The following INSL6 variants were observed in gnomAD, a reference collection of about 807,000 sequenced individuals.
The protein encoded by INSL6 is insulin-like peptide INSL6.
Under a neutral mutation model 9.4 loss-of-function variants are expected in INSL6, and 16 were observed. The observed-to-expected ratio is 1.70, with a 90% CI of 1.15 to 2.59. The LOEUF (loss-of-function observed/expected upper bound fraction) is 2.59, where lower values mean the gene tolerates loss of function less well. Ranked by LOEUF, INSL6 falls within the 30% of genes most tolerant of loss-of-function variation. The pLI is 0.00. For synonymous variants in INSL6, 154 were observed against 96.9 expected, an observed-to-expected ratio of 1.59 and a Z score of -3.46; for missense variants, 391 against 257.3, an observed-to-expected ratio of 1.52 and a Z score of -3.56.
the INSL6 span, among the ~76,000 whole-genome samples, chr9:5,055,053 T>G: frequency 4.9e-4 from 74 of 152,154 alleles, no homozygotes; most frequent in South Asian, 8.3e-4. Context: ...TTGCCTACTA[T>G]TCTTAAATGG....
downstream of INSL6, among the ~76,000 whole-genome samples, chr9:5,160,152 G>A (rs1824895068): frequency 6.7e-6 from 1 of 148,504 alleles, no homozygotes; most frequent in Non-Finnish European, 1.5e-5. Flanking sequence ...CTCCAGCCTG[G>A]GCAACAAGAG....
At chr9:5,033,731 C>T in the INSL6 span, among the ~76,000 whole-genome samples, 2 of 152,146 alleles carry the variant, frequency 1.3e-5, no homozygotes, top group African/African-American at 4.8e-5. Flanking sequence ...AAAAGAGCTC[C>T]TGAAGGAAGC....
intron 1 of INSL6, among the ~76,000 whole-genome samples, chr9:5,168,572 T>C (rs1800234926): frequency 6.6e-6 from 1 of 150,734 alleles, no homozygotes; most frequent in Non-Finnish European, 1.5e-5. Context: ...CCGAGAACTA[T>C]GGGATTATCT....
chr9:5,158,848 T>A (rs1235068371), intron 2 of INSL6, among the ~76,000 whole-genome samples: 1 of 151,564 alleles, frequency 6.6e-6, no homozygotes, highest in Non-Finnish European at 1.5e-5. Context: ...AGAAAAAAAA[T>A]AAAATATTAT....
intron 2 of INSL6, among the ~76,000 whole-genome samples, chr9:5,156,438 A>T (rs1824815801): frequency 6.6e-6 from 1 of 152,182 alleles, no homozygotes; most frequent in Admixed American, 6.5e-5. Flanking sequence ...ATTAGCAAAC[A>T]TATCTGGATT....
the INSL6 span, among the ~76,000 whole-genome samples, chr9:5,022,933 G>A: frequency 1.3e-5 from 2 of 152,222 alleles, no homozygotes; most frequent in Non-Finnish European, 2.9e-5. Flanking sequence ...TTATAAGAAT[G>A]TATGATTACA....
At chr9:5,089,605 A>G in the INSL6 span, 1 of 644,228 alleles carries the variant, frequency 1.6e-6, no homozygotes, top group Admixed American at 3.4e-5. Context: ...TTTCTATATA[A>G]TTATAAAATT....
chr9:5,085,704 C>A, the INSL6 span: 1 of 749,106 alleles, frequency 1.3e-6, no homozygotes. Context: ...GTGAACAAGA[C>A]TAGCAGTGTG....
the INSL6 span, among the ~76,000 whole-genome samples, chr9:5,017,237 C>T: frequency 6.6e-6 from 1 of 152,016 alleles, no homozygotes; most frequent in Admixed American, 6.5e-5. Flanking sequence ...ACTTAAAAAC[C>T]CACAGAGCCC....
At chr9:5,114,712 G>A in the INSL6 span, 3 of 386,654 alleles carry the variant, frequency 7.8e-6, no homozygotes, top group Admixed American at 9.8e-5. Flanking sequence ...AGGGCTGAAT[G>A]GGAACAGAAA....
At chr9:5,063,055 C>G in the INSL6 span, among the ~76,000 whole-genome samples, 8 of 151,968 alleles carry the variant, frequency 5.3e-5, no homozygotes, top group African/African-American at 1.9e-4. Flanking sequence ...TTTGTGTTAG[C>G]TAAATACCTT....
At chr9:5,019,551 A>T in the INSL6 span, among the ~76,000 whole-genome samples, 1 of 152,054 alleles carries the variant, frequency 6.6e-6, no homozygotes, top group African/African-American at 2.4e-5. Context: ...TTGCATTGGA[A>T]TCTTTTGGTA....
At chr9:5,161,363 T>C (rs1426326310), downstream of INSL6, among the ~76,000 whole-genome samples, 1 of 152,130 alleles carries the variant, frequency 6.6e-6, no homozygotes, top group Non-Finnish European at 1.5e-5. Flanking sequence ...CAAAAAGCAT[T>C]TGATAAAAAT....
chr9:5,031,326 G>A, the INSL6 span, among the ~76,000 whole-genome samples: 1 of 152,010 alleles, frequency 6.6e-6, no homozygotes, highest in Non-Finnish European at 1.5e-5. Flanking sequence ...ACTACAAAAT[G>A]GTATCTATTA....
the INSL6 span, among the ~76,000 whole-genome samples, chr9:5,095,677 A>G: frequency 2.0e-5 from 3 of 152,140 alleles, no homozygotes; most frequent in Admixed American, 2.0e-4. Flanking sequence ...AATAAACACG[A>G]CCAGTCTCCT....
intron 3 of INSL6, chr9:5,128,261 G>T (rs1824134683): frequency 4.4e-6 from 1 of 229,564 alleles, no homozygotes; most frequent in South Asian, 1.8e-4. Context: ...GGAAAAGGAA[G>T]AAATGTTTTT....
chr9:4,994,538 A>G, the INSL6 span, among the ~76,000 whole-genome samples: 2 of 152,212 alleles, frequency 1.3e-5, no homozygotes, highest in Non-Finnish European at 2.9e-5. Flanking sequence ...AGATTTTTCT[A>G]TTAAGGATCA....
At chr9:5,125,732 C>G (rs10120550) in intron 3 of INSL6, among the ~76,000 whole-genome samples, 9 of 65,300 alleles carry the variant, frequency 1.4e-4, no homozygotes, top group Non-Finnish European at 2.5e-4. Context: ...CATTTCTTTT[C>G]TTAATGTGGT....
At chr9:5,073,094 A>G in the INSL6 span, among the ~76,000 whole-genome samples, 21 of 152,170 alleles carry the variant, frequency 1.4e-4, no homozygotes, top group Non-Finnish European at 2.6e-4. Flanking sequence ...ACATAGCAAG[A>G]TATGATACTT....
Sources: allele counts gnomAD v4.1 joint callset (sites outside exome capture counted in the v4.1 genomes callset), GRCh38; gene constraint gnomAD v4.1.1; transcripts MANE v1.5; gene names NCBI Gene and HGNC (gene_info 2026-07-23, HGNC 2026-07-21).